ADAM23: variants seen among roughly 807,000 people sequenced by gnomAD.
The protein encoded by ADAM23 is ADAM metallopeptidase domain 23, also known as disintegrin and metalloproteinase domain-containing protein 23.
Under a neutral mutation model 120.1 loss-of-function variants are expected in ADAM23, and 33 were observed. The observed-to-expected ratio is 0.27, with a 90% CI of 0.21 to 0.37. The LOEUF is 0.37. Ranked by LOEUF, ADAM23 falls within the 10% of genes least tolerant of loss-of-function variation. ADAM23 has a pLI of 1.00. For missense variants in ADAM23, 862 were observed against 1,058.2 expected (o/e 0.81, Z 2.57); for synonymous variants, 367 against 375.2 (o/e 0.98, Z 0.25).
chr2:206,524,359 T>C (rs984394336), intron 3 of ADAM23, among the ~76,000 whole-genome samples: 4 of 152,166 alleles, frequency 2.6e-5, no homozygotes, highest in African/African-American at 9.7e-5. Context: ...TTGCAGTGAA[T>C]GTGATCTCAT....
intron 3 of ADAM23, among the ~76,000 whole-genome samples, chr2:206,526,204 A>G (rs2105794343): frequency 6.6e-6 from 1 of 152,204 alleles, no homozygotes; most frequent in Non-Finnish European, 1.5e-5. Flanking sequence ...ACACGTCTAT[A>G]CACATACATA....
chr2:206,560,221 C>A, intron 11 of ADAM23, 103 bp downstream of exon 11: 1 of 1,256,984 alleles, frequency 8.0e-7, no homozygotes, highest in Non-Finnish European at 1.1e-6. Flanking sequence ...GTGACTTGAA[C>A]AAGATTTCTG....
In ADAM23 at chr2:206,504,670, G is replaced by T. The variant is rs573429600; in HGVS notation, c.509+23362G>T. The stretch of plus-strand genomic sequence containing the variant: ...CTATTAATTTGACACATACTTTGTA[G>T]AGTTACAGAGTTTGCACCAAATTCC... On this transcript the variant is annotated intron_variant, in intron 3 of 25. Coordinates refer to ENST00000264377, the MANE Select transcript of ADAM23 (RefSeq NM_003812.4). Among the ~76,000 whole-genome samples the T allele has an allele frequency of 6.1e-4, 93 of 152,278 alleles. 3 individuals are homozygous for T. In the South Asian group the frequency reaches 0.019, roughly 31 times the overall value.
chr2:206,564,973 C>G, intron 13 of ADAM23, 47 bp from the exon 14 acceptor site: 1 of 1,603,436 alleles, frequency 6.2e-7, no homozygotes. Flanking sequence ...ATGTGACTTT[C>G]TTTGTTTCCT....
chr2:206,564,359 T>G (rs1019213024), intron 13 of ADAM23, among the ~76,000 whole-genome samples: 1 of 152,176 alleles, frequency 6.6e-6, no homozygotes, highest in African/African-American at 2.4e-5. Context: ...TACACTTCTG[T>G]TTTAGATTGC....
chr2:206,505,859 C>T (rs892069909), intron 3 of ADAM23, among the ~76,000 whole-genome samples: 1 of 152,208 alleles, frequency 6.6e-6, no homozygotes, highest in African/African-American at 2.4e-5. Flanking sequence ...CATTCTGGCT[C>T]TGGATCTCCA....
At chr2:206,449,061 C>T (rs1695139334) in intron 2 of ADAM23, among the ~76,000 whole-genome samples, 1 of 152,054 alleles carries the variant, frequency 6.6e-6, no homozygotes. Context: ...ACGCTGTCTC[C>T]AGGCTAAGAG....
At chr2:206,536,594 C>T (rs1167991158) in intron 4 of ADAM23, among the ~76,000 whole-genome samples, 3 of 151,976 alleles carry the variant, frequency 2.0e-5, no homozygotes, top group Non-Finnish European at 2.9e-5. Context: ...TAGGTGGTCA[C>T]GCCACACGCT....
intron 18 of ADAM23, among the ~76,000 whole-genome samples, chr2:206,578,545 A>G (rs979526259): frequency 7.3e-6 from 1 of 137,720 alleles, no homozygotes; most frequent in Non-Finnish European, 1.5e-5. Context: ...TTTTATGACT[A>G]TGTAGCATTC....
At chr2:206,576,161 T>G (rs1358011833) in intron 18 of ADAM23, among the ~76,000 whole-genome samples, 2 of 152,162 alleles carry the variant, frequency 1.3e-5, no homozygotes, top group Non-Finnish European at 2.9e-5. Flanking sequence ...GTATGAGAAT[T>G]GTAGGTTCTG....
intron 3 of ADAM23, among the ~76,000 whole-genome samples, chr2:206,512,772 C>G (rs1467130794): frequency 6.6e-6 from 1 of 152,148 alleles, no homozygotes; most frequent in Non-Finnish European, 1.5e-5. Context: ...GTGCTTCTAA[C>G]AAGTTGAAGG....
intron 2 of ADAM23, among the ~76,000 whole-genome samples, chr2:206,456,319 A>C (rs1357256601): frequency 2.6e-5 from 4 of 152,034 alleles, no homozygotes; most frequent in Non-Finnish European, 5.9e-5. Context: ...TCTCATGAGA[A>C]CAGCATGAGG....
intron 2 of ADAM23, among the ~76,000 whole-genome samples, chr2:206,465,503 C>T (rs1453388851): frequency 3.3e-5 from 5 of 151,874 alleles, no homozygotes; most frequent in Admixed American, 3.3e-4. Context: ...TATTATAGTC[C>T]TCTACTTTTG....
intron 24 of ADAM23, among the ~76,000 whole-genome samples, chr2:206,604,925 C>G (rs56351126): frequency 6.6e-6 from 1 of 152,196 alleles, no homozygotes; most frequent in Admixed American, 6.5e-5. Flanking sequence ...TGTATGTCCA[C>G]ACACTTGTGT....
intron 25 of ADAM23, among the ~76,000 whole-genome samples, chr2:206,614,789 A>G (rs915370908): frequency 6.6e-6 from 1 of 152,318 alleles, no homozygotes; most frequent in Admixed American, 6.5e-5. Flanking sequence ...TAGGAAATTG[A>G]ATTAAATTTG....
intron 24 of ADAM23, among the ~76,000 whole-genome samples, chr2:206,604,045 C>G (rs943283896): frequency 8.6e-5 from 13 of 151,460 alleles, no homozygotes; most frequent in Non-Finnish European, 1.3e-4. Context: ...GGCAGGCAGA[C>G]CACGAGGTCA....
chr2:206,609,521 A>G (rs935154292), intron 24 of ADAM23, among the ~76,000 whole-genome samples: 2 of 152,140 alleles, frequency 1.3e-5, no homozygotes, highest in African/African-American at 4.8e-5. Flanking sequence ...CCATGCCCCC[A>G]TTTGTGAGTC....
At chr2:206,554,897 C>A (rs909302152) in intron 9 of ADAM23, among the ~76,000 whole-genome samples, 1 of 152,142 alleles carries the variant, frequency 6.6e-6, no homozygotes, top group African/African-American at 2.4e-5. Context: ...ATATTGGACA[C>A]AGTTGATTAC....
chr2:206,451,087 C>T (rs1695184272), intron 2 of ADAM23, among the ~76,000 whole-genome samples: 1 of 152,152 alleles, frequency 6.6e-6, no homozygotes, highest in Non-Finnish European at 1.5e-5. Context: ...AGCAATTGAG[C>T]TGGCCCTAAA....
Sources: gnomAD v4.1 joint callset for allele counts (sites outside exome capture counted in the v4.1 genomes callset) on GRCh38, gnomAD v4.1.1 for gene constraint, MANE v1.5 for transcripts, NCBI Gene and HGNC (gene_info 2026-07-23, HGNC 2026-07-21) for gene names.